Variants in GAREM1 observed in about 807,000 individuals in gnomAD.
GAREM1 encodes GRB2-associated and regulator of MAPK protein 1.
In GAREM1, 26 loss-of-function variants were observed where a neutral mutation model predicts 71.3. That is an observed-to-expected ratio of 0.36 (90% CI 0.27 to 0.51). The LOEUF (loss-of-function observed/expected upper bound fraction) is 0.51. GAREM1 is among the 20% of genes least tolerant of loss of function. The pLI is 0.95. For missense variants in GAREM1, 1,026 were observed against 1,103.1 expected (o/e 0.93, Z 0.99); for synonymous variants, 440 against 433.2 (o/e 1.02, Z -0.20).
chr18:32,355,225 A>G (rs527466977), intron 2 of GAREM1, among the ~76,000 whole-genome samples: 1 of 152,260 alleles, frequency 6.6e-6, no homozygotes, highest in South Asian at 2.1e-4. Flanking sequence ...CTTTTTCCAC[A>G]TCTATCTAGG....
At chr18:32,270,182 A>G in intron 5 of GAREM1, 35 bp downstream of exon 5, 1 of 1,607,488 alleles carries the variant, frequency 6.2e-7, no homozygotes, top group Non-Finnish European at 8.5e-7. Flanking sequence ...GGATGAGAAG[A>G]TAAGCGTGCA....
chr18:32,375,666 G>T (rs1386369949), intron 2 of GAREM1, among the ~76,000 whole-genome samples: 1 of 152,070 alleles, frequency 6.6e-6, no homozygotes, highest in Non-Finnish European at 1.5e-5. Context: ...TTGATTAAAG[G>T]CAATCAAAGG....
At chr18:32,282,429 A>G (rs1598927090) in intron 4 of GAREM1, among the ~76,000 whole-genome samples, 1 of 152,200 alleles carries the variant, frequency 6.6e-6, no homozygotes, top group Non-Finnish European at 1.5e-5. Flanking sequence ...CGTCTAAAAA[A>G]AAAAGAAGAC....
chr18:32,370,240 C>CAACA (rs946948688), intron 2 of GAREM1, among the ~76,000 whole-genome samples: 12 of 151,928 alleles, frequency 7.9e-5, no homozygotes, highest in Non-Finnish European at 1.0e-4. Context: ...CCATCCTGGC[C>CAACA]AACATAGTGA....
intron 1 of GAREM1, among the ~76,000 whole-genome samples, chr18:32,398,670 A>T (rs567680138): frequency 6.6e-6 from 1 of 152,322 alleles, no homozygotes; most frequent in South Asian, 2.1e-4. Flanking sequence ...TTGAGGCAAT[A>T]ATTAATAGCT....
intron 4 of GAREM1, among the ~76,000 whole-genome samples, chr18:32,273,293 G>C (rs1028788389): frequency 6.6e-6 from 1 of 152,096 alleles, no homozygotes; most frequent in African/African-American, 2.4e-5. Flanking sequence ...CACTTACCTG[G>C]GATGTCAATT....
chr18:32,358,904 A>C (rs2047833415), intron 2 of GAREM1, among the ~76,000 whole-genome samples: 3 of 152,180 alleles, frequency 2.0e-5, no homozygotes, highest in Admixed American at 2.0e-4. Flanking sequence ...CTTGTGCCTA[A>C]ATTATTAAGA....
chr18:32,404,069 T>A (rs1398804066), intron 1 of GAREM1, among the ~76,000 whole-genome samples: 1 of 152,214 alleles, frequency 6.6e-6, no homozygotes, highest in East Asian at 1.9e-4. Flanking sequence ...GAATCTTATT[T>A]TTTTTATGCT....
chr18:32,459,940 T>A (rs1230128926), intron 1 of GAREM1, among the ~76,000 whole-genome samples: 1 of 152,178 alleles, frequency 6.6e-6, no homozygotes, highest in Non-Finnish European at 1.5e-5. Context: ...GACTCTGTTA[T>A]AACGAGTGCT....
At chr18:32,354,453 G>A (rs1231262452) in intron 2 of GAREM1, among the ~76,000 whole-genome samples, 1 of 152,146 alleles carries the variant, frequency 6.6e-6, no homozygotes, top group Non-Finnish European at 1.5e-5. Flanking sequence ...TTCATCAGAA[G>A]AGTCCAAAAT....
chr18:32,286,981 G>T, intron 4 of GAREM1, 50 bp downstream of exon 4: 1 of 1,305,386 alleles, frequency 7.7e-7, no homozygotes, highest in Non-Finnish European at 1.1e-6. Flanking sequence ...GGATGACTGA[G>T]CAGAGAGACA....
At chr18:32,329,134 G>A (rs140523044) in intron 2 of GAREM1, among the ~76,000 whole-genome samples, 44 of 152,256 alleles carry the variant, frequency 2.9e-4, no homozygotes, top group African/African-American at 9.6e-4. Flanking sequence ...ACTTTGGGAG[G>A]CCTAGGTGGG....
In GAREM1 at chr18:32,266,085, T is replaced by C. The variant is rs1360946325; in HGVS notation, c.*1786A>G. ...TTTTACAGGGTACTCTTTTTGCCTA[T>C]AGTATTTACATTTTGGGAGACACGT... On this transcript the variant is annotated 3_prime_UTR_variant, in exon 6 of 6. Coordinates refer to ENST00000269209, the MANE Select transcript of GAREM1 (RefSeq NM_001242409.2). The C allele has an allele frequency of 2.0e-5, 3 of 152,058 alleles. No homozygotes were observed. Among genetic ancestry groups the C allele is most frequent in the African/African-American group, 2.4e-5 (1 of 41,386 alleles). The allele number at this position is 152,058 out of a possible 1,614,324, so 9.4% of individuals were successfully genotyped here.
chr18:32,462,642 T>C (rs572894017), intron 1 of GAREM1, among the ~76,000 whole-genome samples: 1 of 152,390 alleles, frequency 6.6e-6, no homozygotes, highest in Non-Finnish European at 1.5e-5. Context: ...ATTTTTGCTT[T>C]TGTTGCCTAT....
chr18:32,354,542 A>T (rs1351874173), intron 2 of GAREM1, among the ~76,000 whole-genome samples: 2 of 152,208 alleles, frequency 1.3e-5, no homozygotes, highest in Non-Finnish European at 2.9e-5. Flanking sequence ...TGAACAACAC[A>T]TTGAAGCTAG....
chr18:32,391,737 C>T (rs150982044), intron 2 of GAREM1, among the ~76,000 whole-genome samples: 1 of 152,232 alleles, frequency 6.6e-6, no homozygotes, highest in East Asian at 1.9e-4. Context: ...ATGCTTTCTA[C>T]AAGTATACAT....
intron 4 of GAREM1, among the ~76,000 whole-genome samples, chr18:32,273,581 G>C (rs560181486): frequency 2.6e-5 from 4 of 152,272 alleles, no homozygotes; most frequent in African/African-American, 9.6e-5. Flanking sequence ...TAAGCTAAAG[G>C]GCCTGGTGAG....
intron 1 of GAREM1, among the ~76,000 whole-genome samples, chr18:32,442,065 C>G (rs2048743757): frequency 6.6e-6 from 1 of 152,008 alleles, no homozygotes; most frequent in Admixed American, 6.6e-5. Context: ...AGCTAAATTA[C>G]TGAGCTGTTA....
intron 2 of GAREM1, among the ~76,000 whole-genome samples, chr18:32,358,415 C>T (rs1228668239): frequency 6.6e-6 from 1 of 152,042 alleles, no homozygotes; most frequent in East Asian, 1.9e-4. Context: ...GGTCTCCTCA[C>T]ACCTCAGGGC....
Sources: allele counts gnomAD v4.1 joint callset (sites outside exome capture counted in the v4.1 genomes callset), GRCh38; gene constraint gnomAD v4.1.1; transcripts MANE v1.5; gene names NCBI Gene and HGNC (gene_info 2026-07-23, HGNC 2026-07-21).